The following CSMD3 variants were observed in gnomAD, a reference collection of about 807,000 sequenced individuals.
CSMD3 encodes the protein CUB and Sushi multiple domains 3.
In CSMD3, 177 loss-of-function variants were observed where a neutral mutation model predicts 435.2. The observed-to-expected ratio is 0.41, with a 90% CI of 0.36 to 0.46. The LOEUF is 0.46. Among genes scored for constraint, CSMD3 ranks in the 20% least tolerant of loss-of-function variants. CSMD3 has a pLI of 0.34. For missense variants in CSMD3, 4,265 were observed against 4,504.6 expected, an observed-to-expected ratio of 0.95 and a Z score of 1.52; for synonymous variants, 1,656 against 1,520.5, an observed-to-expected ratio of 1.09 and a Z score of -2.07.
intron 10 of CSMD3, among the ~76,000 whole-genome samples, chr8:112,895,572 A>G (rs1229379417): frequency 6.6e-6 from 1 of 151,484 alleles, no homozygotes; most frequent in Non-Finnish European, 1.5e-5. Flanking sequence ...GATGGCTGCC[A>G]AAGTGGACTT....
Position 112,685,528 on chromosome 8 carries a change from A to G in CSMD3, c.2360T>C (p.Ile787Thr). The change falls in exon 15 of 71, where the codon ATT (isoleucine) becomes ACT (threonine). Residue 787 changes from isoleucine to threonine, a missense_variant. Physicochemically the swap from Ile to Thr is moderately conservative, Grantham distance 89. Around this residue, in one of 3 missense-constraint regions of CSMD3, gnomAD observed 279 missense variants for 369.0 expected, o/e 0.76. Transcript: ENST00000297405. ...VKDGDSPESP[I>T]LGTFTGAEVP... ...CTCAGCCCCAGTAAAGGTTCCAAGA[A>G]TTGGGGATTCTGGAGAGTCACCATC... 6.2e-7 allele frequency: 1 copy of G among 1,614,050 alleles called. No homozygotes were observed. Among genetic ancestry groups the G allele is most frequent in the Non-Finnish European group, 8.5e-7 (1 of 1,179,936 alleles).
At position 113,381,957 on chromosome 8, in the gene CSMD3, G is replaced by A. The variant is rs183153279; in HGVS notation, c.178+54720C>T. 4.8e-3 allele frequency among the ~76,000 whole-genome samples: 732 copies of A among 151,982 alleles called. 12 individuals carry two copies. Among genetic ancestry groups the A allele is most frequent in the African/African-American group, 0.017 (705 of 41,456 alleles). On this transcript the variant is annotated intron_variant, in intron 1 of 70. Coordinates refer to ENST00000297405, the MANE Select transcript of CSMD3 (RefSeq NM_198123.2). ...ATATTTGTTTATTTTATTTACATTA[G>A]CATCTCTAAAAATTAATGTTTAATA...
chr8:113,141,430 A>C (rs1431877054), intron 4 of CSMD3, among the ~76,000 whole-genome samples: 2 of 150,960 alleles, frequency 1.3e-5, no homozygotes, highest in Non-Finnish European at 3.0e-5. Context: ...AGATACAAAA[A>C]TTCTTTAAAA....
At chr8:112,259,739 T>C (rs555462187) in intron 61 of CSMD3, among the ~76,000 whole-genome samples, 1 of 152,344 alleles carries the variant, frequency 6.6e-6, no homozygotes, top group African/African-American at 2.4e-5. Flanking sequence ...ATTCAAGTCC[T>C]TCTGGCAATG....
chr8:113,146,244 T>C (rs992151444), intron 4 of CSMD3, among the ~76,000 whole-genome samples: 5 of 151,628 alleles, frequency 3.3e-5, no homozygotes, highest in African/African-American at 9.6e-5. Flanking sequence ...AATGAGTGTA[T>C]ACTGTGTTTG....
chr8:112,687,442 A>C (rs2131813752), intron 14 of CSMD3, among the ~76,000 whole-genome samples: 1 of 152,268 alleles, frequency 6.6e-6, no homozygotes, highest in Admixed American at 6.5e-5. Context: ...ATTTTGGCAT[A>C]AATTATTTGT....
At position 113,045,550 on chromosome 8, in the gene CSMD3, C is replaced by CA. The variant is rs534874611; in HGVS notation, c.918-26372dup. 6.6e-4 allele frequency among the ~76,000 whole-genome samples: 98 copies of CA among 148,512 alleles called. 8 individuals are homozygous for CA. The highest frequency in any genetic ancestry group is 5.8e-3 in the South Asian group (27 of 4,686). ...ATTGATCCCGTTCCTCTAATTCAAA[C>CA]AAAAAAAATAAAGCCAAAGCAAGTA... On this transcript the variant is annotated intron_variant, in intron 5 of 70. Coordinates refer to ENST00000297405, the MANE Select transcript of CSMD3 (RefSeq NM_198123.2).
intron 1 of CSMD3, among the ~76,000 whole-genome samples, chr8:113,355,898 G>A (rs2094223504): frequency 6.7e-6 from 1 of 149,238 alleles, no homozygotes; most frequent in Non-Finnish European, 1.5e-5. Context: ...TGTAATAGTT[G>A]TACATAATAT....
In CSMD3 at chr8:113,374,651, C is replaced by T. The variant is rs78094545; in HGVS notation, c.179-59858G>A. On this transcript the variant is annotated intron_variant, in intron 1 of 70. Coordinates refer to ENST00000297405, the MANE Select transcript of CSMD3 (RefSeq NM_198123.2). The stretch of plus-strand genomic sequence containing the variant: ...TTTTTCAAATCCAACATCGATATTA[C>T]TTATAATATTTTGAGCTCAGCTGTG... Among the ~76,000 whole-genome samples the T allele has an allele frequency of 7.8e-3, 1,183 of 151,664 alleles. 19 individuals carry two copies. Among genetic ancestry groups the T allele is most frequent in the African/African-American group, 0.027 (1,113 of 41,380 alleles).
intron 6 of CSMD3, among the ~76,000 whole-genome samples, chr8:113,016,003 T>C (rs1051134520): frequency 3.3e-5 from 5 of 151,956 alleles, no homozygotes; most frequent in Admixed American, 2.6e-4. Flanking sequence ...GGAACAATAG[T>C]TTAAAACAAA....
In CSMD3 at chr8:113,290,569, C is replaced by T. The variant is rs2093679346; in HGVS notation, c.402-11865G>A. ...ATTTGTGTGTATGCATGCATATATC[C>T]CAATACAACTGGTAAATAACATAAC... On this transcript the variant is annotated intron_variant, in intron 2 of 70. Transcript: ENST00000297405. 3.3e-5 allele frequency among the ~76,000 whole-genome samples: 5 copies of T among 151,556 alleles called. No homozygotes were observed. In the South Asian group the frequency reaches 1.0e-3, roughly 31 times the overall value.
At chr8:113,370,291 A>G (rs1381012640) in intron 1 of CSMD3, among the ~76,000 whole-genome samples, 6 of 151,802 alleles carry the variant, frequency 4.0e-5, no homozygotes, top group Non-Finnish European at 8.9e-5. Context: ...TTACACACAG[A>G]ATAGCATAAC....
chr8:113,421,746 T>A (rs995943264), intron 1 of CSMD3, among the ~76,000 whole-genome samples: 3 of 152,150 alleles, frequency 2.0e-5, no homozygotes, highest in African/African-American at 7.2e-5. Context: ...TGGAATTTTC[T>A]TATCTGACTA....
intron 1 of CSMD3, among the ~76,000 whole-genome samples, chr8:113,407,931 G>T (rs188962579): frequency 2.6e-5 from 4 of 151,906 alleles, no homozygotes; most frequent in African/African-American, 9.7e-5. Context: ...TTTGAAGTAC[G>T]CCTAGGACCG....
chr8:113,272,915 A>G (rs1263216511), intron 3 of CSMD3, among the ~76,000 whole-genome samples: 3 of 152,122 alleles, frequency 2.0e-5, no homozygotes, highest in African/African-American at 7.2e-5. Context: ...GTTAGACAGA[A>G]GGAATAAGAT....
At chr8:113,436,550 A>G (rs2094707183) in intron 1 of CSMD3, 127 bp downstream of exon 1, 1 of 874,380 alleles carries the variant, frequency 1.1e-6, no homozygotes, top group African/African-American at 1.9e-5. Flanking sequence ...CGAGCTGTGA[A>G]TCAACTCCTT....
In CSMD3 at chr8:112,517,070, G is replaced by A. The variant is rs776470969; in HGVS notation, c.4720C>T (p.Arg1574Trp). 2.5e-5 allele frequency: 40 copies of A among 1,613,700 alleles called. No homozygotes were observed. The South Asian group carries it at 2.7e-4, about 11-fold the overall frequency. The change falls in exon 28 of 71, where the codon CGG becomes TGG. Residue 1574 changes from arginine to tryptophan, a missense_variant. Around this residue, in one of 3 missense-constraint regions of CSMD3, gnomAD observed 3,255 missense variants for 3,380.2 expected, o/e 0.96. Coordinates refer to ENST00000297405, the MANE Select transcript of CSMD3 (RefSeq NM_198123.2). ...GGTGGGCTGGGCTGCCAGAAGTACC[G>A]ATTTTCTACCTGAATGCAGGTTATT... is the stretch of plus-strand genomic sequence containing the variant. ...ERITCIQVEN[R>W]YFWQPSPPVC...
intron 1 of CSMD3, among the ~76,000 whole-genome samples, chr8:113,427,982 C>T (rs2094646011): frequency 6.6e-6 from 1 of 151,596 alleles, no homozygotes; most frequent in Non-Finnish European, 1.5e-5. Context: ...ATAATGTTTA[C>T]CTCTGTTTTA....
At chr8:112,736,363 T>G (rs144777900) in intron 13 of CSMD3, among the ~76,000 whole-genome samples, 2 of 152,060 alleles carry the variant, frequency 1.3e-5, no homozygotes, top group African/African-American at 2.4e-5. Context: ...CTAGGTTTAA[T>G]CATGCTCTGA....
Sources: allele counts gnomAD v4.1 joint callset (sites outside exome capture counted in the v4.1 genomes callset), GRCh38; gene constraint gnomAD v4.1.1; regional missense constraint gnomAD v4.1.1; transcripts MANE v1.5; gene names NCBI Gene and HGNC (gene_info 2026-07-23, HGNC 2026-07-21).